Variants in SYNPO observed in about 807,000 individuals in gnomAD.
SYNPO encodes the protein synaptopodin.
In SYNPO, 19 loss-of-function variants were observed where a neutral mutation model predicts 49.5. The observed-to-expected ratio is 0.38, with a 90% CI of 0.27 to 0.56. SYNPO has a LOEUF of 0.56. Ranked by LOEUF, SYNPO falls within the 20% of genes least tolerant of loss-of-function variation. The pLI, the probability that SYNPO is intolerant of heterozygous loss-of-function variation, is 0.68. For missense variants in SYNPO, 1,131 were observed against 1,248.3 expected (o/e 0.91, Z 1.42); for synonymous variants, 536 against 548.0 (o/e 0.98, Z 0.31).
upstream of SYNPO, among the ~76,000 whole-genome samples, chr5:150,635,900 C>G (rs1012563539): frequency 8.5e-5 from 13 of 152,216 alleles, no homozygotes; most frequent in African/African-American, 3.1e-4. Flanking sequence ...ATATGCCTCA[C>G]TCTCTCACCT....
intron 2 of SYNPO, among the ~76,000 whole-genome samples, chr5:150,622,451 T>C (rs1459360269): frequency 1.3e-5 from 2 of 152,200 alleles, no homozygotes; most frequent in Non-Finnish European, 2.9e-5. Flanking sequence ...ACTCGGATGC[T>C]CTGGGGGAAA....
chr5:150,627,646 G>T (rs143707183), intron 2 of SYNPO, among the ~76,000 whole-genome samples: 2 of 152,350 alleles, frequency 1.3e-5, no homozygotes, highest in African/African-American at 4.8e-5. Context: ...AGAGCAGTTA[G>T]GGGGCTACCG....
intron 1 of SYNPO, among the ~76,000 whole-genome samples, chr5:150,607,492 T>C (rs188878978): frequency 1.1e-4 from 17 of 152,202 alleles, no homozygotes; most frequent in Non-Finnish European, 1.8e-4. Context: ...CTTAGCCCAA[T>C]GCCAAGGGGT....
chr5:150,591,444 G>A, the SYNPO span, among the ~76,000 whole-genome samples: 1 of 152,206 alleles, frequency 6.6e-6, no homozygotes, highest in African/African-American at 2.4e-5. Context: ...AAGCCTGTGT[G>A]GACAAGGGAC....
At chr5:150,611,137 C>T (rs1318948431) in intron 1 of SYNPO, among the ~76,000 whole-genome samples, 1 of 152,204 alleles carries the variant, frequency 6.6e-6, no homozygotes, top group African/African-American at 2.4e-5. Flanking sequence ...GTAGCACTCC[C>T]AGGCCGCCTT....
the SYNPO span, among the ~76,000 whole-genome samples, chr5:150,590,496 G>A: frequency 2.6e-5 from 4 of 152,194 alleles, no homozygotes; most frequent in Admixed American, 2.0e-4. Context: ...ATTTCTACCA[G>A]AGTCAAACCA....
chr5:150,595,158 C>A, the SYNPO span, among the ~76,000 whole-genome samples: 1 of 152,126 alleles, frequency 6.6e-6, no homozygotes, highest in African/African-American at 2.4e-5. Context: ...GGTTGGGTAG[C>A]TTTACCTGGG....
chr5:150,610,907 A>G (rs1260862484), intron 1 of SYNPO, among the ~76,000 whole-genome samples: 1 of 152,238 alleles, frequency 6.6e-6, no homozygotes, highest in Non-Finnish European at 1.5e-5. Context: ...ATGGTGAACA[A>G]TTGAATAATC....
At chr5:150,644,913 T>G (rs1041197436) in intron 1 of SYNPO, among the ~76,000 whole-genome samples, 4 of 151,790 alleles carry the variant, frequency 2.6e-5, no homozygotes, top group African/African-American at 9.7e-5. Context: ...CATGGGTGGG[T>G]GGGATAGGCT....
At chr5:150,608,832 G>A (rs1003700898) in intron 1 of SYNPO, among the ~76,000 whole-genome samples, 1 of 152,208 alleles carries the variant, frequency 6.6e-6, no homozygotes, top group African/African-American at 2.4e-5. Context: ...TGATGAGGTG[G>A]ACAAGTTTGG....
chr5:150,604,510 A>G (rs904885489), intron 1 of SYNPO, among the ~76,000 whole-genome samples: 1 of 152,154 alleles, frequency 6.6e-6, no homozygotes, highest in Non-Finnish European at 1.5e-5. Flanking sequence ...AGTGGCAACA[A>G]TGCAGTTTAT....
rs1758189810 is a variant in SYNPO, at chr5:150,648,353, G to C, written c.78G>C (p.Leu26=). The C allele has an allele frequency of 3.1e-6, 5 of 1,614,164 alleles. No homozygotes were observed. Among genetic ancestry groups the C allele is most frequent in the Non-Finnish European group, 4.2e-6 (5 of 1,180,022 alleles). Residue 26 remains leucine, a synonymous_variant, in exon 2 of 3, where the codon CTG becomes CTC. Coordinates refer to ENST00000307662, the MANE Select transcript of SYNPO (RefSeq NM_007286.6). This position sits in a 1 kb window ranked among gnomAD's most constrained non-coding sequence, Gnocchi z 5.0. ...CCAGTGAGGAGGAAGAGGTACCACT[G>C]GTGGTTTATCTAAAGGAGAATGCAG... is the stretch of plus-strand genomic sequence containing the variant. ...KVASEEEEVP[L]VVYLKENAAL... is the part of the protein sequence containing the mutation.
chr5:150,638,891 AAAC>A (rs764107710), upstream of SYNPO, among the ~76,000 whole-genome samples: 3 of 152,180 alleles, frequency 2.0e-5, no homozygotes, highest in East Asian at 1.9e-4. Context: ...GGGGAGAGTG[AAAC>A]AGCAGGAGGG....
intron 2 of SYNPO, chr5:150,652,083 A>C: frequency 1.0e-6 from 1 of 1,000,118 alleles, no homozygotes; most frequent in Non-Finnish European, 1.2e-6. Flanking sequence ...CCATGGGAAC[A>C]GGGGTGCCTT....
exon 2 of SYNPO, chr5:150,618,491 G>A (rs375850505): frequency 1.9e-5 from 30 of 1,551,484 alleles, no homozygotes; most frequent in East Asian, 7.3e-5. Flanking sequence ...GGAGAGCAGC[G>A]GTGAGGAGGG....
rs771829726 is a variant in SYNPO, at chr5:150,649,384, C to T, written c.1109C>T (p.Ser370Leu). Residue 370 changes from serine (S) to leucine (L), a missense_variant, in exon 2 of 3, where the codon TCG becomes TTG. By Grantham distance (145) the Ser-to-Leu change is moderately radical. This residue lies in a region of SYNPO where 602 missense variants were observed against 720.7 expected (regional missense o/e 0.84). Transcript: ENST00000307662. ...AGCAAGACGGGCATTCTGGAGGAGT[C>T]GATGGCCCGCCGGGGCAGCCGCAAA... ...PASKTGILEESMARRGSRKSM... is the reference protein window; with the variant it reads ...PASKTGILEELMARRGSRKSM... 5.0e-6 allele frequency: 8 copies of T among 1,613,930 alleles called. No individual in the cohort carries two copies. The highest frequency in any genetic ancestry group is 1.7e-5 in the Admixed American group (1 of 59,998).
chr5:150,618,097 C>G (rs59962087), intron 1 of SYNPO: 2 of 394,862 alleles, frequency 5.1e-6, no homozygotes, highest in Non-Finnish European at 9.0e-6. Context: ...TTCCCTATGC[C>G]GATAGATTGC....
chr5:150,620,933 C>CTTTCTTTCTTTA, intron 2 of SYNPO, among the ~76,000 whole-genome samples: 2 of 124,926 alleles, frequency 1.6e-5, no homozygotes, highest in South Asian at 3.0e-4. Context: ...TTCTTTCTTT[C>CTTTCTTTCTTTA]TTTCTTTCTT....
At chr5:150,603,236 T>A (rs1581444240) in intron 1 of SYNPO, among the ~76,000 whole-genome samples, 1 of 152,222 alleles carries the variant, frequency 6.6e-6, no homozygotes, top group East Asian at 1.9e-4. Flanking sequence ...CCAGGATGGG[T>A]GGGTAGGCGA....
Sources: allele counts gnomAD v4.1 joint callset (sites outside exome capture counted in the v4.1 genomes callset), GRCh38; gene constraint gnomAD v4.1.1; regional missense constraint gnomAD v4.1.1; non-coding constraint Gnocchi (gnomAD v3.1); transcripts MANE v1.5; gene names NCBI Gene and HGNC (gene_info 2026-07-23, HGNC 2026-07-21).